Variants in SYCE3 observed in about 807,000 individuals in gnomAD.
The protein encoded by SYCE3 is testis highly expressed gene 2 protein.
In SYCE3, 3 loss-of-function variants were observed where a neutral mutation model predicts 8.1. The ratio of observed to expected loss-of-function variants is 0.37; its 90% confidence interval spans 0.17 to 0.96. SYCE3 has a LOEUF of 0.96. Among genes scored for constraint, SYCE3 ranks in the 40% least tolerant of loss-of-function variants. The pLI is 0.41. For missense variants in SYCE3, 83 were observed against 110.0 expected, an observed-to-expected ratio of 0.75 and a Z score of 1.10; for synonymous variants, 36 against 38.7, an observed-to-expected ratio of 0.93 and a Z score of 0.26.
chr22:50,557,620 A>C (rs908597056), intron 1 of SYCE3, among the ~76,000 whole-genome samples: 1 of 152,242 alleles, frequency 6.6e-6, no homozygotes, highest in African/African-American at 2.4e-5. Flanking sequence ...CAGTAATTAC[A>C]TCACTCCAGA....
At chr22:50,560,465 A>G (rs1040390988) in intron 1 of SYCE3, among the ~76,000 whole-genome samples, 1 of 152,190 alleles carries the variant, frequency 6.6e-6, no homozygotes, top group Non-Finnish European at 1.5e-5. Flanking sequence ...GCAAAATGAA[A>G]AAAAGGGCTC....
chr22:50,555,994 T>C (rs1176200913), intron 2 of SYCE3, among the ~76,000 whole-genome samples: 1 of 151,886 alleles, frequency 6.6e-6, no homozygotes, highest in African/African-American at 2.4e-5. Flanking sequence ...GAGGTTTTAC[T>C]GTGTTAGCCA....
chr22:50,559,755 C>A (rs2069896153), intron 1 of SYCE3, among the ~76,000 whole-genome samples: 1 of 152,034 alleles, frequency 6.6e-6, no homozygotes, highest in Non-Finnish European at 1.5e-5. Context: ...TGGCAAAACC[C>A]CATCTCTACT....
At chr22:50,560,517 C>T (rs1035748251) in intron 1 of SYCE3, among the ~76,000 whole-genome samples, 2 of 151,748 alleles carry the variant, frequency 1.3e-5, no homozygotes. Flanking sequence ...CTGGTCAACT[C>T]GGTGAGACGT....
chr22:50,555,450 G>A (rs1234927396), intron 2 of SYCE3, among the ~76,000 whole-genome samples: 2 of 152,306 alleles, frequency 1.3e-5, no homozygotes, highest in East Asian at 3.9e-4. Flanking sequence ...AAGCCGTGAG[G>A]AGAAGGAGAA....
chr22:50,556,014 C>T (rs936257047), intron 2 of SYCE3, among the ~76,000 whole-genome samples: 2 of 151,960 alleles, frequency 1.3e-5, no homozygotes, highest in South Asian at 2.1e-4. Context: ...AGGATGGTCT[C>T]GATCTCCTGA....
intron 1 of SYCE3, among the ~76,000 whole-genome samples, chr22:50,561,337 A>G (rs952172091): frequency 1.3e-5 from 2 of 152,032 alleles, no homozygotes; most frequent in African/African-American, 4.8e-5. Context: ...GGATCTGAAA[A>G]GGAGATCCAG....
At chr22:50,561,665 G>C (rs1657954837) in intron 1 of SYCE3, among the ~76,000 whole-genome samples, 1 of 152,014 alleles carries the variant, frequency 6.6e-6, no homozygotes, top group South Asian at 2.1e-4. Flanking sequence ...GTCTTGCCTG[G>C]TACGAAGAGT....
At chr22:50,552,931 C>T (rs924209867) in intron 2 of SYCE3, among the ~76,000 whole-genome samples, 1 of 152,152 alleles carries the variant, frequency 6.6e-6, no homozygotes, top group Non-Finnish European at 1.5e-5. Flanking sequence ...GGCAAGGTGG[C>T]TGGTACCTAT....
intron 2 of SYCE3, among the ~76,000 whole-genome samples, chr22:50,555,120 T>TCAAAAAAAAAAAAAA (rs2069847011): frequency 7.6e-5 from 1 of 13,138 alleles, no homozygotes; most frequent in Admixed American, 7.9e-4. Flanking sequence ...AGACTCTGTC[T>TCAAAAAAAAAAAAAA]TAAAATAAAT....
Position 50,551,301 on chromosome 22 carries a change from C to T in SYCE3, c.211G>A (p.Glu71Lys). The T allele has an allele frequency of 6.4e-7, 1 of 1,551,412 alleles. No homozygotes were observed. Among genetic ancestry groups the T allele is most frequent in the Non-Finnish European group, 8.7e-7 (1 of 1,146,978 alleles). The change falls in exon 3 of 3, where the codon GAG becomes AAG. Residue 71 changes from glutamate to lysine, a missense_variant. Glu to Lys is a moderately conservative substitution (Grantham distance 56). Transcript: ENST00000406915. ...TCTTGCCAGTTCTTCTCCATCTCCTCCTTGCAGTTGACGAAGGCATCCTCC... is the reference window on the plus strand; with the variant it reads ...TCTTGCCAGTTCTTCTCCATCTCCTTCTTGCAGTTGACGAAGGCATCCTCC... ...RLEDAFVNCK[E>K]EMEKNWQELL... is the part of the protein sequence containing the mutation.
rs1250366367 is a variant in SYCE3 at position 50,554,746 on chromosome 22, G to C, written c.109+1551C>G. On this transcript the variant is annotated intron_variant, in intron 2 of 2. Transcript: ENST00000406915. ...GCGGTGGCTCACACCTGTAATCCCA[G>C]GACTTTGGGAGGCTGAGGCGGGCAG... is the stretch of plus-strand genomic sequence containing the variant. 3.3e-5 allele frequency among the ~76,000 whole-genome samples: 5 copies of C among 149,740 alleles called. No individual in the cohort carries two copies. The East Asian group carries it at 9.9e-4, about 30-fold the overall frequency.
chr22:50,556,849 A>G (rs186694977), intron 1 of SYCE3, among the ~76,000 whole-genome samples: 18 of 152,360 alleles, frequency 1.2e-4, no homozygotes, highest in Admixed American at 8.5e-4. Context: ...CACACACACC[A>G]TATGACAAAC....
chr22:50,552,566 G>A (rs1181789781), intron 2 of SYCE3, among the ~76,000 whole-genome samples: 1 of 152,214 alleles, frequency 6.6e-6, no homozygotes, highest in East Asian at 1.9e-4. Flanking sequence ...GCTGAGGCAG[G>A]AGAATCGCTT....
At chr22:50,561,375 G>A (rs1173180708) in intron 1 of SYCE3, among the ~76,000 whole-genome samples, 1 of 152,054 alleles carries the variant, frequency 6.6e-6, no homozygotes, top group Non-Finnish European at 1.5e-5. Context: ...TGATGTGGAG[G>A]AAGCAGCCAC....
chr22:50,559,030 G>A (rs1239749329), intron 1 of SYCE3, among the ~76,000 whole-genome samples: 1 of 152,106 alleles, frequency 6.6e-6, no homozygotes, highest in African/African-American at 2.4e-5. Context: ...CTGTCCACCT[G>A]TGGTAGTTCC....
At chr22:50,553,270 GT>G (rs1399211452) in intron 2 of SYCE3, among the ~76,000 whole-genome samples, 1 of 151,860 alleles carries the variant, frequency 6.6e-6, no homozygotes, top group Non-Finnish European at 1.5e-5. Context: ...CAGCCATAAC[GT>G]TTTTTTGAGT....
chr22:50,557,739 G>T (rs967153821), intron 1 of SYCE3, among the ~76,000 whole-genome samples: 2 of 151,864 alleles, frequency 1.3e-5, no homozygotes, highest in Non-Finnish European at 2.9e-5. Flanking sequence ...GATAAATAAT[G>T]TAAGAGCTGC....
intron 2 of SYCE3, among the ~76,000 whole-genome samples, chr22:50,554,922 A>G (rs1479950510): frequency 4.0e-5 from 6 of 151,738 alleles, no homozygotes; most frequent in Non-Finnish European, 5.9e-5. Flanking sequence ...GGAGATCAAG[A>G]CCATCCTGGC....
Sources: gnomAD v4.1 joint callset for allele counts (sites outside exome capture counted in the v4.1 genomes callset) on GRCh38, gnomAD v4.1.1 for gene constraint, MANE v1.5 for transcripts, NCBI Gene and HGNC (gene_info 2026-07-23, HGNC 2026-07-21) for gene names.